Variants in SUGCT observed in about 807,000 individuals in gnomAD.
The protein encoded by SUGCT is succinyl-CoA:glutarate CoA-transferase.
A neutral mutation model predicts 55.0 loss-of-function variants in SUGCT; 41 were observed. The observed-to-expected ratio is 0.74, with a 90% CI of 0.58 to 0.97. The LOEUF is 0.97. SUGCT is among the 50% of genes least tolerant of loss of function. The pLI, the probability that SUGCT is intolerant of heterozygous loss-of-function variation, is 0.00. For synonymous variants in SUGCT, 187 were observed against 200.4 expected (o/e 0.93, Z 0.56); for missense variants, 568 against 547.8 (o/e 1.04, Z -0.37).
At chr7:40,563,818 G>T (rs573518893) in intron 12 of SUGCT, among the ~76,000 whole-genome samples, 18 of 152,190 alleles carry the variant, frequency 1.2e-4, no homozygotes, top group African/African-American at 4.3e-4. Context: ...TTCTGTGAAT[G>T]AATTTTTATA....
the SUGCT span, among the ~76,000 whole-genome samples, chr7:40,954,403 G>A: frequency 1.2e-4 from 19 of 152,328 alleles, no homozygotes; most frequent in South Asian, 3.5e-3. Flanking sequence ...CACTTCCCGG[G>A]TGAGGCGATG....
At chr7:40,565,931 G>C (rs1343319441) in intron 12 of SUGCT, among the ~76,000 whole-genome samples, 1 of 149,520 alleles carries the variant, frequency 6.7e-6, no homozygotes, top group Non-Finnish European at 1.5e-5. Flanking sequence ...CTCTTTCCTT[G>C]CTTAATTTTC....
At chr7:40,992,564 C>T in the SUGCT span, among the ~76,000 whole-genome samples, 1 of 152,126 alleles carries the variant, frequency 6.6e-6, no homozygotes, top group Non-Finnish European at 1.5e-5. Flanking sequence ...ATACCTCTGA[C>T]AAAAGTATCC....
In SUGCT at chr7:40,308,214, A is replaced by G. The variant is rs542973621; in HGVS notation, c.721-8546A>G. On this transcript the variant is annotated intron_variant, in intron 8 of 13. Transcript: ENST00000335693. ...GGATACAACCAAAGATACAAATGTG[A>G]AACTACTCACTACTCGGGTGAAAGG... 7.2e-5 allele frequency among the ~76,000 whole-genome samples: 11 copies of G among 152,262 alleles called. 1 individual carries two copies. The South Asian group carries it at 1.9e-3, about 26-fold the overall frequency.
chr7:40,272,193 T>TACATACAC (rs567563859), intron 7 of SUGCT, among the ~76,000 whole-genome samples: 1 of 76,274 alleles, frequency 1.3e-5, no homozygotes, highest in Non-Finnish European at 2.5e-5. Flanking sequence ...TATATATATA[T>TACATACAC]ACAGGGTCTC....
chr7:40,830,400 A>G (rs764516424), intron 13 of SUGCT, among the ~76,000 whole-genome samples: 1 of 152,116 alleles, frequency 6.6e-6, no homozygotes, highest in Non-Finnish European at 1.5e-5. Flanking sequence ...TGCTCCCTGC[A>G]CTAGTCATGA....
chr7:40,605,988 T>C (rs1584112242), intron 12 of SUGCT, among the ~76,000 whole-genome samples: 1 of 152,096 alleles, frequency 6.6e-6, no homozygotes, highest in Non-Finnish European at 1.5e-5. Flanking sequence ...GCTGAGCAGA[T>C]TGCATCGTAT....
the SUGCT span, among the ~76,000 whole-genome samples, chr7:40,888,182 A>T: frequency 6.6e-6 from 1 of 152,154 alleles, no homozygotes; most frequent in African/African-American, 2.4e-5. Context: ...TTCGACTGAA[A>T]CCTGGGGCAT....
chr7:40,316,955 GTTTTTT>G lies in SUGCT; in HGVS notation c.816+113_816+118del, dbSNP rs56989808. On this transcript the variant is annotated intron_variant, in intron 9 of 13. Coordinates refer to ENST00000335693, the MANE Select transcript of SUGCT (RefSeq NM_001193313.2). ...CTTTTTATACACAAATCCTTCAGCT[GTTTTTT>G]TTTTTTTTTTTTGTAATGTATCTGT... is the stretch of plus-strand genomic sequence containing the variant. 129 of 189,428 alleles carry G rather than the reference GTTTTTT, an allele frequency of 6.8e-4. 2 individuals carry two copies. Among genetic ancestry groups the G allele is most frequent in the Non-Finnish European group, 1.1e-3 (117 of 103,288 alleles). 11.7% of individuals were successfully genotyped at this position (189,428 alleles called of 1,614,324 possible).
the SUGCT span, among the ~76,000 whole-genome samples, chr7:41,034,806 C>T: frequency 6.6e-6 from 1 of 152,096 alleles, no homozygotes; most frequent in Non-Finnish European, 1.5e-5. Context: ...AGGTATTTGC[C>T]AACAGAAGGC....
chr7:40,277,677 GTTA>G (rs55772430), intron 8 of SUGCT, among the ~76,000 whole-genome samples: 7,092 of 144,858 alleles, frequency 0.049, 416 homozygotes, highest in African/African-American at 0.14. Context: ...TGTTCTTTTT[GTTA>G]TTATTATTAT....
At chr7:40,871,637 T>C in the SUGCT span, among the ~76,000 whole-genome samples, 1 of 152,078 alleles carries the variant, frequency 6.6e-6, no homozygotes, top group African/African-American at 2.4e-5. Flanking sequence ...ACTACCTGAG[T>C]GGTTTCTGCA....
intron 13 of SUGCT, among the ~76,000 whole-genome samples, chr7:40,776,822 C>T (rs1005474438): frequency 6.6e-6 from 1 of 152,168 alleles, no homozygotes; most frequent in Non-Finnish European, 1.5e-5. Context: ...TCCTACCAAG[C>T]TTAGAGTGCA....
chr7:40,769,571 G>T (rs1788983500), intron 13 of SUGCT, among the ~76,000 whole-genome samples: 1 of 152,144 alleles, frequency 6.6e-6, no homozygotes, highest in Non-Finnish European at 1.5e-5. Flanking sequence ...ATGGAGAAAG[G>T]GGCCACAGGC....
chr7:40,523,371 C>A (rs1793651176), intron 12 of SUGCT, among the ~76,000 whole-genome samples: 1 of 151,942 alleles, frequency 6.6e-6, no homozygotes, highest in Admixed American at 6.6e-5. Context: ...TAATATCTAT[C>A]TTAAGAATTT....
chr7:40,582,474 A>G (rs1007414869), intron 12 of SUGCT, among the ~76,000 whole-genome samples: 1 of 152,206 alleles, frequency 6.6e-6, no homozygotes, highest in African/African-American at 2.4e-5. Flanking sequence ...AATATTTTTC[A>G]TTAATAAAAG....
chr7:40,490,372 A>G (rs1791613853), intron 11 of SUGCT, among the ~76,000 whole-genome samples: 1 of 152,026 alleles, frequency 6.6e-6, no homozygotes, highest in African/African-American at 2.4e-5. Flanking sequence ...GTACTCTCAA[A>G]ATTTCTCATG....
chr7:40,690,121 T>G (rs1784629084), intron 12 of SUGCT, among the ~76,000 whole-genome samples: 1 of 152,334 alleles, frequency 6.6e-6, no homozygotes, highest in African/African-American at 2.4e-5. Flanking sequence ...GTCTTCATAG[T>G]TGAGCCCCTT....
chr7:40,986,099 C>T, the SUGCT span, among the ~76,000 whole-genome samples: 28 of 152,178 alleles, frequency 1.8e-4, no homozygotes, highest in African/African-American at 6.7e-4. Flanking sequence ...GTCCTCTAGC[C>T]CATAAAATGA....
Sources: gnomAD v4.1 joint callset for allele counts (sites outside exome capture counted in the v4.1 genomes callset) on GRCh38, gnomAD v4.1.1 for gene constraint, MANE v1.5 for transcripts, NCBI Gene and HGNC (gene_info 2026-07-23, HGNC 2026-07-21) for gene names.